The following PPP2R3B variants were observed in gnomAD, a reference collection of about 807,000 sequenced individuals.
The protein encoded by PPP2R3B is protein phosphatase 2 regulatory subunit B''beta.
PPP2R3B carries 68 observed loss-of-function variants against 72.9 expected under a neutral mutation model. The ratio of observed to expected loss-of-function variants is 0.93; its 90% confidence interval spans 0.77 to 1.14. PPP2R3B has a LOEUF of 1.14. PPP2R3B is among the 50% of genes most tolerant of loss of function. The pLI is 0.00. For missense variants in PPP2R3B, 1,018 were observed against 842.0 expected (o/e 1.21, Z -2.59); for synonymous variants, 466 against 375.8 (o/e 1.24, Z -2.78).
At chrX:375,653 A>G (rs182385794) in intron 1 of PPP2R3B, among the ~76,000 whole-genome samples, 2 of 152,366 alleles carry the variant, frequency 1.3e-5, no homozygotes, top group East Asian at 3.9e-4. Flanking sequence ...TCATATCAGC[A>G]CTACACACGG....
At chrX:347,385 C>G in intron 3 of PPP2R3B, 49 bp from the exon 4 acceptor site, 1 of 1,562,390 alleles carries the variant, frequency 6.4e-7, no homozygotes. Context: ...GGGTGGCTTT[C>G]GACCCCGCAG....
At chrX:343,779 G>C (rs1303446582) in intron 7 of PPP2R3B, among the ~76,000 whole-genome samples, 3 of 11,014 alleles carry the variant, frequency 2.7e-4, no homozygotes, top group South Asian at 4.8e-3. Context: ...CAACGGGAGG[G>C]GGGGAGGGAG....
chrX:375,495 A>G (rs1268366011), intron 1 of PPP2R3B, among the ~76,000 whole-genome samples: 1 of 132,688 alleles, frequency 7.5e-6, no homozygotes, highest in Non-Finnish European at 1.6e-5. Context: ...GCGGCCCAGT[A>G]ACCCATGATG....
intron 1 of PPP2R3B, among the ~76,000 whole-genome samples, chrX:363,007 G>C (rs1217722092): frequency 6.6e-6 from 1 of 152,068 alleles, no homozygotes; most frequent in East Asian, 1.9e-4. Context: ...TGTCGCTGCA[G>C]GACCCTCACC....
At chrX:340,985 A>C in intron 9 of PPP2R3B, 45 bp from the exon 10 acceptor site, 1 of 1,588,866 alleles carries the variant, frequency 6.3e-7, no homozygotes, top group Non-Finnish European at 8.6e-7. Context: ...GGGCCCTCCC[A>C]GCCCGTGACC....
chrX:345,699 C>G (rs200082115), intron 6 of PPP2R3B, 27 bp from the exon 7 acceptor site: 3 of 1,528,260 alleles, frequency 2.0e-6, no homozygotes, highest in Non-Finnish European at 2.7e-6. Flanking sequence ...GCGGCCTGAG[C>G]GCGGGGCCTC....
At chrX:343,931 G>C (rs1286286186) in intron 7 of PPP2R3B, among the ~76,000 whole-genome samples, 28 of 49,516 alleles carry the variant, frequency 5.7e-4, no homozygotes, top group South Asian at 1.1e-3. Context: ...GGAGACCTCA[G>C]CAACGGGAGG....
chrX:363,459 C>CGAT (rs1569403846), intron 1 of PPP2R3B, among the ~76,000 whole-genome samples: 1 of 148,126 alleles, frequency 6.8e-6, no homozygotes. Context: ...CCCGAGCCCA[C>CGAT]CATCCCACAA....
At chrX:346,812 G>A in intron 4 of PPP2R3B, 37 bp from the exon 5 acceptor site, 2 of 1,579,444 alleles carry the variant, frequency 1.3e-6, no homozygotes, top group African/African-American at 1.4e-5. Flanking sequence ...TGGTGTAGAC[G>A]CCGGCCCTCC....
intron 2 of PPP2R3B, among the ~76,000 whole-genome samples, chrX:350,532 C>T (rs1193451023): frequency 2.7e-5 from 4 of 147,480 alleles, no homozygotes; most frequent in Admixed American, 6.6e-5. Context: ...GAAAGAGGCC[C>T]GAACACGACC....
chrX:347,453 C>T (rs1487935705), intron 3 of PPP2R3B, 117 bp from the exon 4 acceptor site: 22 of 1,346,372 alleles, frequency 1.6e-5, no homozygotes, highest in African/African-American at 4.3e-5. Flanking sequence ...TGGCCACACA[C>T]GACGGCCAGG....
intron 1 of PPP2R3B, among the ~76,000 whole-genome samples, chrX:369,640 G>C (rs1266370372): frequency 6.6e-6 from 1 of 152,182 alleles, no homozygotes; most frequent in African/African-American, 2.4e-5. Flanking sequence ...ACATCCTCTC[G>C]CGACACCAGC....
intron 1 of PPP2R3B, among the ~76,000 whole-genome samples, chrX:372,996 G>T (rs2124357170): frequency 6.6e-6 from 1 of 152,250 alleles, no homozygotes; most frequent in Non-Finnish European, 1.5e-5. Context: ...TGCATAAATA[G>T]TCCGGTATGT....
Position 386,365 on chromosome X carries a change from T to G in PPP2R3B, c.324+3A>C, listed in dbSNP as rs1173902107. On this transcript the variant is annotated splice_donor_region_variant and intron_variant, in intron 1 of 12. Transcript: ENST00000390665. ...GTTGTTAGCAGAAGGAAGAGTAACT[T>G]ACTACTCTCGTCCCTGCGGATCTAC... is the stretch of plus-strand genomic sequence containing the variant. 1 of 1,312,792 alleles carries G rather than the reference T, an allele frequency of 7.6e-7. No homozygotes were observed. The highest frequency in any genetic ancestry group is 2.8e-5 in the East Asian group (1 of 35,610). The allele number at this position is 1,312,792 out of a possible 1,614,324, so 81.3% of individuals were successfully genotyped here.
At chrX:341,476 C>A in intron 8 of PPP2R3B, 80 bp from the exon 9 acceptor site, 1 of 1,474,958 alleles carries the variant, frequency 6.8e-7, no homozygotes, top group Non-Finnish European at 9.4e-7. Context: ...GTCCACGCGC[C>A]TCGGTGAGGG....
chrX:386,872 G>C lies in PPP2R3B; in HGVS notation c.-181C>G, dbSNP rs777147301. The C allele has an allele frequency of 1.1e-3, 252 of 219,878 alleles. 2 individuals are homozygous for C. The highest frequency in any genetic ancestry group is 4.1e-3 in the African/African-American group (178 of 43,100). 13.6% of individuals were successfully genotyped at this position (219,878 alleles called of 1,614,324 possible). ...TCGCGGGGCGCGGGGACCGAGGAGG[G>C]GGCGCGGTCCGGCCCGCGCTGCTCA... On this transcript the variant is annotated 5_prime_UTR_variant, in exon 1 of 13. Transcript: ENST00000390665.
At chrX:339,219 C>T (rs1352493464) in intron 10 of PPP2R3B, among the ~76,000 whole-genome samples, 2 of 145,428 alleles carry the variant, frequency 1.4e-5, no homozygotes, top group Non-Finnish European at 3.0e-5. Context: ...CCCGTGCAGG[C>T]AGAGGCCAGA....
chrX:357,171 C>T (rs1475092741), intron 2 of PPP2R3B, among the ~76,000 whole-genome samples: 1 of 142,840 alleles, frequency 7.0e-6, no homozygotes, highest in Non-Finnish European at 1.5e-5. Context: ...CTGCAGCTGG[C>T]CCGGGCCAGG....
chrX:341,392 T>C lies in PPP2R3B; in HGVS notation c.1090A>G (p.Arg364Gly). ...RIFSGAVTRG[R>G]KVQKEGKISY... The stretch of plus-strand genomic sequence containing the variant: ...ATCTTCCCTTCCTTCTGCACTTTTC[T>C]GCCTCTAGATCGAAAGCCAGGATGG... Residue 364 changes from arginine to glycine, a missense_variant, in exon 9 of 13, where the codon AGA becomes GGA. Transcript: ENST00000390665. 1.2e-6 allele frequency: 2 copies of C among 1,612,622 alleles called. No homozygotes were observed. The highest frequency in any genetic ancestry group is 1.7e-6 in the Non-Finnish European group (2 of 1,179,688).
Sources: gnomAD v4.1 joint callset for allele counts (sites outside exome capture counted in the v4.1 genomes callset) on GRCh38, gnomAD v4.1.1 for gene constraint, MANE v1.5 for transcripts, NCBI Gene and HGNC (gene_info 2026-07-23, HGNC 2026-07-21) for gene names.